The following FSIP1 variants were observed in gnomAD, a reference collection of about 807,000 sequenced individuals.
FSIP1 encodes the protein fibrous sheath interacting protein 1.
In FSIP1, 65 loss-of-function variants were observed where a neutral mutation model predicts 60.9. The observed-to-expected ratio is 1.07, with a 90% confidence interval of 0.87 to 1.31. The LOEUF (loss-of-function observed/expected upper bound fraction) is 1.31. FSIP1 is among the 40% of genes most tolerant of loss of function. The pLI is 0.00. For synonymous variants in FSIP1, 209 were observed against 221.2 expected, an observed-to-expected ratio of 0.94 and a Z score of 0.49; for missense variants, 675 against 665.5, an observed-to-expected ratio of 1.01 and a Z score of -0.16.
intron 10 of FSIP1, among the ~76,000 whole-genome samples, chr15:39,704,781 A>G (rs1436801456): frequency 6.6e-6 from 1 of 152,208 alleles, no homozygotes; most frequent in East Asian, 1.9e-4. Flanking sequence ...TGGGGTTCAT[A>G]TATGCTTATA....
At chr15:39,724,449 G>T (rs146933667) in intron 9 of FSIP1, among the ~76,000 whole-genome samples, 18,064 of 151,760 alleles carry the variant, frequency 0.12, 1,318 homozygotes, top group African/African-American at 0.2. Context: ...AGACAGGGTT[G>T]CACCGTGTTA....
chr15:39,703,015 T>C (rs1467163269), intron 10 of FSIP1, among the ~76,000 whole-genome samples: 1 of 150,776 alleles, frequency 6.6e-6, no homozygotes, highest in African/African-American at 2.4e-5. Flanking sequence ...GGAGTTTCAT[T>C]CTTGTTGCCC....
chr15:39,742,426 G>A (rs571089538), intron 5 of FSIP1, among the ~76,000 whole-genome samples: 1 of 152,272 alleles, frequency 6.6e-6, no homozygotes, highest in East Asian at 1.9e-4. Flanking sequence ...AAGATAGATA[G>A]GACATTGTGT....
chr15:39,680,824 A>T (rs77870248), intron 10 of FSIP1, among the ~76,000 whole-genome samples: 4,914 of 152,330 alleles, frequency 0.032, 258 homozygotes, highest in African/African-American at 0.11. Flanking sequence ...CTGTGCTAAG[A>T]GCTTTATATA....
chr15:39,648,615 T>A (rs1303530056), intron 10 of FSIP1, among the ~76,000 whole-genome samples: 1 of 152,210 alleles, frequency 6.6e-6, no homozygotes, highest in Non-Finnish European at 1.5e-5. Context: ...AAACAGATTT[T>A]TAAAATTATA....
At chr15:39,604,617 A>C (rs1890757067) in intron 11 of FSIP1, among the ~76,000 whole-genome samples, 2 of 152,236 alleles carry the variant, frequency 1.3e-5, no homozygotes, top group Non-Finnish European at 2.9e-5. Context: ...GAAATTTCTA[A>C]TATGGCATCT....
At chr15:39,621,323 T>C (rs934908733) in intron 10 of FSIP1, among the ~76,000 whole-genome samples, 4 of 152,228 alleles carry the variant, frequency 2.6e-5, no homozygotes, top group Non-Finnish European at 4.4e-5. Context: ...CATGGTAAAT[T>C]GCTTCTGGGC....
intron 9 of FSIP1, among the ~76,000 whole-genome samples, chr15:39,719,894 T>G (rs186814389): frequency 9.2e-5 from 14 of 152,326 alleles, no homozygotes; most frequent in Admixed American, 6.5e-4. Context: ...CAGATTTAAC[T>G]GGAGATCTAA....
intron 1 of FSIP1, 76 bp from the exon 2 acceptor site, chr15:39,776,607 A>G: frequency 1.6e-6 from 2 of 1,269,546 alleles, no homozygotes. Context: ...ATTAATATCC[A>G]ATTACTCAGA....
chr15:39,750,739 T>G (rs1446277206), intron 5 of FSIP1, among the ~76,000 whole-genome samples: 1 of 151,974 alleles, frequency 6.6e-6, no homozygotes, highest in Non-Finnish European at 1.5e-5. Context: ...AATTATTTCT[T>G]GGGTATCACA....
At chr15:39,634,441 G>C (rs980089168) in intron 10 of FSIP1, among the ~76,000 whole-genome samples, 3 of 152,124 alleles carry the variant, frequency 2.0e-5, no homozygotes, top group Admixed American at 2.0e-4. Context: ...TACAGCAGCT[G>C]TTCATTCTCA....
intron 11 of FSIP1, among the ~76,000 whole-genome samples, chr15:39,614,339 TAAAA>T (rs1278203371): frequency 6.6e-6 from 1 of 151,640 alleles, no homozygotes; most frequent in Non-Finnish European, 1.5e-5. Context: ...TTGTCTCTAA[TAAAA>T]AAAATTAACC....
At chr15:39,623,639 T>C (rs1008526087) in intron 10 of FSIP1, among the ~76,000 whole-genome samples, 1 of 152,222 alleles carries the variant, frequency 6.6e-6, no homozygotes, top group Non-Finnish European at 1.5e-5. Context: ...TCAAGGTTTT[T>C]TGGCTATAAG....
At chr15:39,649,293 C>A (rs1417655084) in intron 10 of FSIP1, among the ~76,000 whole-genome samples, 5 of 152,192 alleles carry the variant, frequency 3.3e-5, no homozygotes, top group Non-Finnish European at 7.3e-5. Flanking sequence ...TGTTTCCTGA[C>A]AGAGTAATTT....
At chr15:39,753,885 C>T (rs1300222539) in intron 5 of FSIP1, among the ~76,000 whole-genome samples, 1 of 151,482 alleles carries the variant, frequency 6.6e-6, no homozygotes, top group East Asian at 1.9e-4. Context: ...CATTAATAAC[C>T]CTTTATAAAT....
chr15:39,656,956 A>T (rs1893095776), intron 10 of FSIP1, among the ~76,000 whole-genome samples: 1 of 152,224 alleles, frequency 6.6e-6, no homozygotes, highest in Non-Finnish European at 1.5e-5. Flanking sequence ...AACTGAGCCC[A>T]GGCCTTGTGG....
At chr15:39,782,534 T>C (rs1034272029) in intron 1 of FSIP1, 94 bp downstream of exon 1, 1 of 138,188 alleles carries the variant, frequency 7.2e-6, no homozygotes, top group African/African-American at 2.7e-5. Flanking sequence ...ACAGTCCATC[T>C]ACATGCCAAG....
At chr15:39,732,960 T>C (rs902471507) in intron 8 of FSIP1, among the ~76,000 whole-genome samples, 1 of 152,224 alleles carries the variant, frequency 6.6e-6, no homozygotes, top group African/African-American at 2.4e-5. Flanking sequence ...TTTGTCACCA[T>C]CCATCGGACT....
intron 1 of FSIP1, among the ~76,000 whole-genome samples, chr15:39,781,919 A>C (rs1239008529): frequency 6.6e-6 from 1 of 152,268 alleles, no homozygotes; most frequent in Non-Finnish European, 1.5e-5. Flanking sequence ...ACATTTGTCA[A>C]AACTCACAGA....
Sources: allele counts gnomAD v4.1 joint callset (sites outside exome capture counted in the v4.1 genomes callset), GRCh38; gene constraint gnomAD v4.1.1; transcripts MANE v1.5; gene names NCBI Gene and HGNC (gene_info 2026-07-23, HGNC 2026-07-21).